The following EFNA3 variants were observed in gnomAD, a reference collection of about 807,000 sequenced individuals.
The protein encoded by EFNA3 is ephrin-A3.
Under a neutral mutation model 25.0 loss-of-function variants are expected in EFNA3, and 15 were observed. The observed-to-expected ratio is 0.60, with a 90% CI of 0.40 to 0.92. The LOEUF is 0.92. Ranked by LOEUF, EFNA3 falls within the 40% of genes least tolerant of loss-of-function variation. The probability of loss-of-function intolerance (pLI) is 0.00; values close to 1 mark genes in which losing one functional copy is unlikely to be tolerated. For missense variants in EFNA3, 298 were observed against 323.8 expected, an observed-to-expected ratio of 0.92 and a Z score of 0.61; for synonymous variants, 153 against 145.6, an observed-to-expected ratio of 1.05 and a Z score of -0.37.
chr1:155,084,479 T>G (rs1663407488), intron 1 of EFNA3, among the ~76,000 whole-genome samples: 1 of 152,242 alleles, frequency 6.6e-6, no homozygotes, highest in African/African-American at 2.4e-5. Context: ...GTGGACATAT[T>G]TGTGCGTGTG....
In EFNA3 at chr1:155,079,121, G is replaced by A; in HGVS notation, c.128+52G>A. 1 of 1,290,304 alleles carries A rather than the reference G, an allele frequency of 7.8e-7. No homozygotes were observed. Among genetic ancestry groups the A allele is most frequent in the South Asian group, 2.6e-5 (1 of 38,082 alleles). The allele number at this position is 1,290,304 out of a possible 1,614,324, so 79.9% of individuals were successfully genotyped here. On this transcript the variant is annotated intron_variant, in intron 1 of 4. Transcript: ENST00000368408. The surrounding 1 kb of genome is among the most constrained non-coding windows in gnomAD (Gnocchi z 7.7). ...GCGTCCCGTCTCAGTGAGAGGGGGA[G>A]CCGGTGGGCCCGAGAAGTCCTGGGG...
chr1:155,085,544 C>T lies in EFNA3; in HGVS notation c.442+140C>T, dbSNP rs983361165. On this transcript the variant is annotated intron_variant, in intron 2 of 4. Coordinates refer to ENST00000368408, the MANE Select transcript of EFNA3 (RefSeq NM_004952.5). This position sits in a 1 kb window ranked among gnomAD's most constrained non-coding sequence, Gnocchi z 4.4. ...GCTGAGACCAGGGAGGAGGCGTGGG[C>T]ACGGGACGCCTGAGGGGTTCAGCTC... The T allele has an allele frequency of 9.4e-6, 10 of 1,067,786 alleles. No homozygotes were observed. The highest frequency in any genetic ancestry group is 1.2e-5 in the Non-Finnish European group (9 of 761,882). The allele number at this position is 1,067,786 out of a possible 1,614,324, so 66.1% of individuals were successfully genotyped here.
rs1488544231 is a variant in EFNA3 at position 155,080,396 on chromosome 1, C to T, written c.128+1327C>T. On this transcript the variant is annotated intron_variant, in intron 1 of 4. Coordinates refer to ENST00000368408, the MANE Select transcript of EFNA3 (RefSeq NM_004952.5). This position sits in a 1 kb window ranked among gnomAD's most constrained non-coding sequence, Gnocchi z 7.0. Reference sequence around the variant, plus strand: ...GGGTGGGGATGAGCCAACGACGCCCCCCTCTCGCTTCCCATGGAAACCTCG... The same window carrying T: ...GGGTGGGGATGAGCCAACGACGCCCTCCTCTCGCTTCCCATGGAAACCTCG... Among the ~76,000 whole-genome samples, 1 of 152,172 alleles carries T rather than the reference C, an allele frequency of 6.6e-6. No individual in the cohort carries two copies. The highest frequency in any genetic ancestry group is 2.4e-5 in the African/African-American group (1 of 41,452).
rs916222253 is a variant in EFNA3, at chr1:155,085,635, C to T, written c.442+231C>T. 8.7e-6 allele frequency: 6 copies of T among 687,938 alleles called. No homozygotes were observed. In the Admixed American group the frequency reaches 8.8e-5, roughly 10 times the overall value. 42.6% of individuals were successfully genotyped at this position (687,938 alleles called of 1,614,324 possible). A position where few individuals can be genotyped will look rare whatever the true frequency, so the allele number is the denominator to read the frequency against. ...CCCAAGTTTGGGCTGCGGAGAATCGCTGTTTCTGTGAGGGACATTCCGGGG... is the reference window on the plus strand; with the variant it reads ...CCCAAGTTTGGGCTGCGGAGAATCGTTGTTTCTGTGAGGGACATTCCGGGG... On this transcript the variant is annotated intron_variant, in intron 2 of 4. Transcript: ENST00000368408. This position sits in a 1 kb window ranked among gnomAD's most constrained non-coding sequence, Gnocchi z 4.4.
Position 155,078,961 on chromosome 1 carries a change from TGC to T in EFNA3, c.21_22del (p.Leu8AlafsTer191). 1 of 1,421,932 alleles carries T rather than the reference TGC, an allele frequency of 7.0e-7. No homozygotes were observed. The highest frequency in any genetic ancestry group is 1.5e-5 in the South Asian group (1 of 66,244). 88.1% of individuals were successfully genotyped at this position (1,421,932 alleles called of 1,614,324 possible). ...CCGGGGATGGCGGCGGCTCCGCTGC[TGC>T]TGCTGCTGCTGCTCGTGCCCGTGCC... On this transcript the variant is annotated frameshift_variant, in exon 1 of 5. Coordinates refer to ENST00000368408, the MANE Select transcript of EFNA3 (RefSeq NM_004952.5). LOFTEE classifies it high-confidence loss of function.
chr1:155,082,527 A>G (rs997499675), intron 1 of EFNA3, among the ~76,000 whole-genome samples: 1 of 152,050 alleles, frequency 6.6e-6, no homozygotes, highest in Admixed American at 6.5e-5. Flanking sequence ...TGAAAGCGAG[A>G]GAGAGGTGTC....
chr1:155,078,955 C>CGCTGCT lies in EFNA3; in HGVS notation c.30_35dup (p.Leu11_Leu12dup), dbSNP rs751169298. ...GCGGCTCCGGGGATGGCGGCGGCTC[C>CGCTGCT]GCTGCTGCTGCTGCTGCTGCTCGTG... On this transcript the variant is annotated inframe_insertion, in exon 1 of 5. Coordinates refer to ENST00000368408, the MANE Select transcript of EFNA3 (RefSeq NM_004952.5). 5.2e-5 allele frequency: 74 copies of CGCTGCT among 1,416,474 alleles called. No individual in the cohort carries two copies. In the East Asian group the frequency reaches 7.3e-4, roughly 14 times the overall value. The allele number at this position is 1,416,474 out of a possible 1,614,324, so 87.7% of individuals were successfully genotyped here.
In EFNA3 at chr1:155,078,898, G is replaced by T; in HGVS notation, c.-44G>T. 7.4e-7 allele frequency: 1 copy of T among 1,348,738 alleles called. No homozygotes were observed. Among genetic ancestry groups the T allele is most frequent in the Non-Finnish European group, 9.5e-7 (1 of 1,052,394 alleles). 83.5% of individuals were successfully genotyped at this position (1,348,738 alleles called of 1,614,324 possible). A position where few individuals can be genotyped will look rare whatever the true frequency, so the allele number is the denominator to read the frequency against. ...GAGCTGGGAAGCGGAGAAGCCGGGA[G>T]CGCGGGGCTCAGTCGGGGGGCGGCG... On this transcript the variant is annotated 5_prime_UTR_variant, in exon 1 of 5. Transcript: ENST00000368408.
In EFNA3 at chr1:155,085,337, G is replaced by A; in HGVS notation, c.375G>A (p.Lys125=). The change falls in exon 2 of 5, where the codon AAG becomes AAA. Residue 125 remains lysine (K), a synonymous_variant. Transcript: ENST00000368408. This position sits in a 1 kb window ranked among gnomAD's most constrained non-coding sequence, Gnocchi z 4.4. The stretch of plus-strand genomic sequence containing the variant: ...ACAGCCCCATCAAGTTCTCGGAGAA[G>A]TTCCAGCGCTACAGCGCCTTCTCTC... ...APHSPIKFSE[K]FQRYSAFSLG... The A allele has an allele frequency of 6.2e-7, 1 of 1,613,002 alleles. No homozygotes were observed. The highest frequency in any genetic ancestry group is 8.5e-7 in the Non-Finnish European group (1 of 1,179,534).
intron 1 of EFNA3, among the ~76,000 whole-genome samples, chr1:155,084,494 A>C (rs1025352822): frequency 2.6e-5 from 4 of 152,264 alleles, no homozygotes; most frequent in African/African-American, 9.6e-5. Context: ...CGTGTGCCAT[A>C]GAACTTATGC....
In EFNA3 at chr1:155,080,092, G is replaced by T. The variant is rs1663312585; in HGVS notation, c.128+1023G>T. 6.6e-6 allele frequency among the ~76,000 whole-genome samples: 1 copy of T among 152,144 alleles called. No homozygotes were observed. Among genetic ancestry groups the T allele is most frequent in the African/African-American group, 2.4e-5 (1 of 41,422 alleles). On this transcript the variant is annotated intron_variant, in intron 1 of 4. Transcript: ENST00000368408. This position sits in a 1 kb window ranked among gnomAD's most constrained non-coding sequence, Gnocchi z 7.0. ...TGTGTATCTCCCTGGCCACATCAGT[G>T]TGTGTCTGTGTGTTAGTAGGGGGAG...
At chr1:155,082,839 G>A (rs1663370476) in intron 1 of EFNA3, among the ~76,000 whole-genome samples, 1 of 152,176 alleles carries the variant, frequency 6.6e-6, no homozygotes, top group Non-Finnish European at 1.5e-5. Flanking sequence ...AAGGAGGGAG[G>A]ATGACAGATT....
rs3766918 is a variant in EFNA3, at chr1:155,085,023, A to C, written c.129-68A>C. 13,156 of 1,550,994 alleles carry C rather than the reference A, an allele frequency of 8.5e-3. 81 individuals carry two copies. The highest frequency in any genetic ancestry group is 0.015 in the Middle Eastern group (84 of 5,746). ...CGCGGACCCTGGGGAGGGGCTGCGG[A>C]GCGGTCAGATGGAAAGCGGCTTTGC... On this transcript the variant is annotated intron_variant, in intron 1 of 4. Coordinates refer to ENST00000368408, the MANE Select transcript of EFNA3 (RefSeq NM_004952.5). This position sits in a 1 kb window ranked among gnomAD's most constrained non-coding sequence, Gnocchi z 4.4.
At position 155,079,905 on chromosome 1, in the gene EFNA3, G is replaced by T. The variant is rs369296112; in HGVS notation, c.128+836G>T. Among the ~76,000 whole-genome samples the T allele has an allele frequency of 7.1e-3, 1,083 of 152,144 alleles. 17 individuals carry two copies. Among genetic ancestry groups the T allele is most frequent in the African/African-American group, 0.025 (1,039 of 41,486 alleles). ...TGTCCGCGCGGCCAGCTGCGTCTGGGCTGGGGTGGCTGTTGGCGCCGCCGC... is the reference window on the plus strand; with the variant it reads ...TGTCCGCGCGGCCAGCTGCGTCTGGTCTGGGGTGGCTGTTGGCGCCGCCGC... On this transcript the variant is annotated intron_variant, in intron 1 of 4. Transcript: ENST00000368408. This position sits in a 1 kb window ranked among gnomAD's most constrained non-coding sequence, Gnocchi z 7.7.
At position 155,085,542 on chromosome 1, in the gene EFNA3, G is replaced by A; in HGVS notation, c.442+138G>A. 9.2e-7 allele frequency: 1 copy of A among 1,086,384 alleles called. No homozygotes were observed. The highest frequency in any genetic ancestry group is 2.6e-5 in the East Asian group (1 of 38,114). The allele number at this position is 1,086,384 out of a possible 1,614,324, so 67.3% of individuals were successfully genotyped here. A position where few individuals can be genotyped will look rare whatever the true frequency, so the allele number is the denominator to read the frequency against. ...CGGCTGAGACCAGGGAGGAGGCGTG[G>A]GCACGGGACGCCTGAGGGGTTCAGC... On this transcript the variant is annotated intron_variant, in intron 2 of 4. Transcript: ENST00000368408. The surrounding 1 kb of genome is among the most constrained non-coding windows in gnomAD (Gnocchi z 4.4).
At chr1:155,086,103 T>TCC in intron 3 of EFNA3, 25 bp from the exon 4 acceptor site, 4 of 1,577,726 alleles carry the variant, frequency 2.5e-6, no homozygotes, top group Non-Finnish European at 3.5e-6. Context: ...CCCTCCTCTC[T>TCC]CCCCACCCGC....
Position 155,086,595 on chromosome 1 carries a change from A to C in EFNA3, c.*52A>C. The stretch of plus-strand genomic sequence containing the variant: ...AGATGGGGCGGGGCTTGGAAGGAGC[A>C]GGGAGCCTTTGGCCTCTCCAAGGGA... On this transcript the variant is annotated 3_prime_UTR_variant, in exon 5 of 5. Transcript: ENST00000368408. 2.5e-6 allele frequency: 4 copies of C among 1,602,324 alleles called. No individual in the cohort carries two copies. The highest frequency in any genetic ancestry group is 3.4e-6 in the Non-Finnish European group (4 of 1,174,480).
rs931440237 is a variant in EFNA3, at chr1:155,080,004, G to A, written c.128+935G>A. On this transcript the variant is annotated intron_variant, in intron 1 of 4. Transcript: ENST00000368408. This position sits in a 1 kb window ranked among gnomAD's most constrained non-coding sequence, Gnocchi z 7.0. The stretch of plus-strand genomic sequence containing the variant: ...CGCGGTGGCCGGGTGCTGGCTGCGG[G>A]GCCGGGTCCTCATTCTGCTCAGTCC... 2.6e-5 allele frequency among the ~76,000 whole-genome samples: 4 copies of A among 151,992 alleles called. No individual in the cohort carries two copies. Among genetic ancestry groups the A allele is most frequent in the African/African-American group, 9.7e-5 (4 of 41,360 alleles).
At position 155,078,996 on chromosome 1, in the gene EFNA3, CCGCTGCTGG is replaced by C. The variant is rs754612257; in HGVS notation, c.57_65del (p.Leu20_Ala22del). The C allele has an allele frequency of 2.8e-6, 4 of 1,436,076 alleles. No homozygotes were observed. The highest frequency in any genetic ancestry group is 2.7e-6 in the Non-Finnish European group (3 of 1,091,414). The allele number at this position is 1,436,076 out of a possible 1,614,324, so 89.0% of individuals were successfully genotyped here. On this transcript the variant is annotated inframe_deletion, in exon 1 of 5. Transcript: ENST00000368408. Reference sequence around the variant, plus strand: ...GCTGCTCGTGCCCGTGCCGCTGCTGCCGCTGCTGGCCCAAGGGCCCGGAGGGGCGCTGGG... The same window carrying C: ...GCTGCTCGTGCCCGTGCCGCTGCTGCCCCAAGGGCCCGGAGGGGCGCTGGG...
Sources: allele counts gnomAD v4.1 joint callset (sites outside exome capture counted in the v4.1 genomes callset), GRCh38; gene constraint gnomAD v4.1.1; non-coding constraint Gnocchi (gnomAD v3.1); transcripts MANE v1.5; gene names NCBI Gene and HGNC (gene_info 2026-07-23, HGNC 2026-07-21).